SOX13: variants seen among roughly 807,000 people sequenced by gnomAD.
The protein encoded by SOX13 is SRY-box transcription factor 13.
A neutral mutation model predicts 71.8 loss-of-function variants in SOX13; 28 were observed. The observed-to-expected ratio is 0.39, with a 90% confidence interval of 0.29 to 0.53. The LOEUF (loss-of-function observed/expected upper bound fraction) is 0.53, where lower values mean the gene tolerates loss of function less well. Ranked by LOEUF, SOX13 falls within the 20% of genes least tolerant of loss-of-function variation. The probability of loss-of-function intolerance (pLI) is 0.70; values close to 1 mark genes in which losing one functional copy is unlikely to be tolerated. For synonymous variants in SOX13, 309 were observed against 317.8 expected, an observed-to-expected ratio of 0.97 and a Z score of 0.29; for missense variants, 627 against 810.3, an observed-to-expected ratio of 0.77 and a Z score of 2.75.
intron 1 of SOX13, among the ~76,000 whole-genome samples, chr1:204,111,492 C>T (rs369549607): frequency 2.0e-5 from 3 of 152,138 alleles, no homozygotes; most frequent in South Asian, 2.1e-4. Context: ...TGAGATGCTG[C>T]GATTGCTCAG....
chr1:204,112,250 G>A (rs745487836), intron 1 of SOX13, among the ~76,000 whole-genome samples: 5 of 152,172 alleles, frequency 3.3e-5, no homozygotes, highest in Non-Finnish European at 5.9e-5. Flanking sequence ...AGACCAGCTT[G>A]GCCAACATGG....
At chr1:204,090,494 C>T (rs1289989688) in intron 1 of SOX13, among the ~76,000 whole-genome samples, 1 of 151,506 alleles carries the variant, frequency 6.6e-6, no homozygotes, top group East Asian at 1.9e-4. Context: ...CTGCAACCTC[C>T]GCCTCCAGGG....
chr1:204,104,738 G>T (rs1477937932), intron 1 of SOX13, among the ~76,000 whole-genome samples: 1 of 152,202 alleles, frequency 6.6e-6, no homozygotes, highest in Non-Finnish European at 1.5e-5. Flanking sequence ...CCTCTCAGAG[G>T]GTCTGCCTGT....
chr1:204,079,574 C>T (rs532931277), intron 1 of SOX13, among the ~76,000 whole-genome samples: 18 of 152,072 alleles, frequency 1.2e-4, no homozygotes, highest in African/African-American at 2.4e-4. Context: ...CTCGAACCCC[C>T]GACCTCAGGT....
chr1:204,087,048 G>A (rs111373036), intron 1 of SOX13, among the ~76,000 whole-genome samples: 30,214 of 151,886 alleles, frequency 0.2, 3,069 homozygotes, highest in Middle Eastern at 0.26. Context: ...TCAGCCTCCC[G>A]AGTAAGCTGG....
chr1:204,106,110 G>A (rs1656465200), intron 1 of SOX13, among the ~76,000 whole-genome samples: 1 of 152,220 alleles, frequency 6.6e-6, no homozygotes, highest in African/African-American at 2.4e-5. Flanking sequence ...AAGTCTAAAG[G>A]GAGACTTAAG....
intron 6 of SOX13, 38 bp downstream of exon 6, chr1:204,117,228 G>A (rs762133259): frequency 6.3e-7 from 1 of 1,577,508 alleles, no homozygotes; most frequent in South Asian, 1.1e-5. Flanking sequence ...ACAGGAGGCA[G>A]TTGAGGGAGT....
At chr1:204,122,151 G>A in intron 8 of SOX13, 86 bp from the exon 9 acceptor site, 3 of 1,226,924 alleles carry the variant, frequency 2.4e-6, no homozygotes, top group East Asian at 5.1e-5. Flanking sequence ...GTGTGTTCTG[G>A]GTATGCTCAC....
chr1:204,101,823 C>G (rs1226322410), intron 1 of SOX13, among the ~76,000 whole-genome samples: 1 of 152,148 alleles, frequency 6.6e-6, no homozygotes, highest in Non-Finnish European at 1.5e-5. Flanking sequence ...ACCTCCTAAT[C>G]TAGATGACAA....
In SOX13 at chr1:204,127,655, T is replaced by C. The variant is rs942510937; in HGVS notation, c.*1521T>C. The C allele has an allele frequency of 3.9e-5, 6 of 152,666 alleles. No homozygotes were observed. Among genetic ancestry groups the C allele is most frequent in the African/African-American group, 1.2e-4 (5 of 41,470 alleles). 9.5% of individuals were successfully genotyped at this position (152,666 alleles called of 1,614,324 possible). A position where few individuals can be genotyped will look rare whatever the true frequency, so the allele number is the denominator to read the frequency against. ...TATTTTGTTAATAATAAGATAATGA[T>C]GAGTAACTTAACCAGCACATTTCTC... On this transcript the variant is annotated 3_prime_UTR_variant, in exon 14 of 14. Transcript: ENST00000367204.
At position 204,102,727 on chromosome 1, in the gene SOX13, T is replaced by C. The variant is rs529677882; in HGVS notation, c.-1-10188T>C. Reference sequence around the variant, plus strand: ...GTGGCGGTGGGTCAGGGAGCAAACATTTTTTTGATTTTCACAAACACCATC... The same window carrying C: ...GTGGCGGTGGGTCAGGGAGCAAACACTTTTTTGATTTTCACAAACACCATC... On this transcript the variant is annotated intron_variant, in intron 1 of 13. Coordinates refer to ENST00000367204, the MANE Select transcript of SOX13 (RefSeq NM_005686.3). Among the ~76,000 whole-genome samples, 5 of 151,626 alleles carry C rather than the reference T, an allele frequency of 3.3e-5. No individual in the cohort carries two copies. The South Asian group carries it at 1.0e-3, about 32-fold the overall frequency.
Position 204,102,467 on chromosome 1 carries a change from C to T in SOX13, c.-1-10448C>T, listed in dbSNP as rs116984744. Among the ~76,000 whole-genome samples the T allele has an allele frequency of 5.5e-3, 835 of 152,212 alleles. 6 individuals are homozygous for T. The highest frequency in any genetic ancestry group is 0.03 in the East Asian group (154 of 5,154). The stretch of plus-strand genomic sequence containing the variant: ...CGTGGCTTGGCCAGATAAGCGGTGG[C>T]GCTGCGAATGTGGGGCTTCCTTGGC... On this transcript the variant is annotated intron_variant, in intron 1 of 13. Coordinates refer to ENST00000367204, the MANE Select transcript of SOX13 (RefSeq NM_005686.3).
intron 1 of SOX13, among the ~76,000 whole-genome samples, chr1:204,079,007 A>G (rs1189028591): frequency 6.6e-6 from 1 of 152,130 alleles, no homozygotes; most frequent in Non-Finnish European, 1.5e-5. Context: ...CCCCTAGGAA[A>G]AGATTTCTGG....
chr1:204,114,674 C>G (rs530779682), intron 4 of SOX13, 69 bp downstream of exon 4: 4 of 1,242,704 alleles, frequency 3.2e-6, no homozygotes, highest in East Asian at 2.3e-5. Context: ...GGCCACGCAG[C>G]CTGGCTCTGT....
chr1:204,123,578 G>A lies in SOX13; in HGVS notation c.1232-83G>A. ...CTCCTCAGTGCCTCCTGCTGGTCAA[G>A]TAGGGGACGTCTCTCTGCTGGCCCT... On this transcript the variant is annotated intron_variant, in intron 11 of 13. Transcript: ENST00000367204. The surrounding 1 kb of genome is among the most constrained non-coding windows in gnomAD (Gnocchi z 5.0). 2 of 1,474,038 alleles carry A rather than the reference G, an allele frequency of 1.4e-6. No individual in the cohort carries two copies. The highest frequency in any genetic ancestry group is 1.8e-6 in the Non-Finnish European group (2 of 1,087,704). 91.3% of individuals were successfully genotyped at this position (1,474,038 alleles called of 1,614,324 possible).
intron 1 of SOX13, among the ~76,000 whole-genome samples, chr1:204,083,304 T>C (rs1655946190): frequency 6.6e-6 from 1 of 152,148 alleles, no homozygotes; most frequent in Non-Finnish European, 1.5e-5. Context: ...GAGTCAGGAC[T>C]GATGGGGTTT....
intron 1 of SOX13, among the ~76,000 whole-genome samples, chr1:204,092,267 C>T (rs1406483335): frequency 1.3e-5 from 2 of 152,050 alleles, no homozygotes; most frequent in Non-Finnish European, 2.9e-5. Context: ...CCTTGGTCTC[C>T]TGAAGCACGC....
chr1:204,109,418 T>A (rs544105243), intron 1 of SOX13, among the ~76,000 whole-genome samples: 2 of 152,368 alleles, frequency 1.3e-5, no homozygotes, highest in East Asian at 3.9e-4. Context: ...GTAGCTTTTC[T>A]ATATTTGGAT....
intron 1 of SOX13, among the ~76,000 whole-genome samples, chr1:204,098,048 A>G (rs1054513396): frequency 1.3e-5 from 2 of 151,932 alleles, no homozygotes; most frequent in African/African-American, 4.8e-5. Flanking sequence ...TTTTGTGGAG[A>G]TGGGATTTCA....
Sources: allele counts gnomAD v4.1 joint callset (sites outside exome capture counted in the v4.1 genomes callset), GRCh38; gene constraint gnomAD v4.1.1; non-coding constraint Gnocchi (gnomAD v3.1); transcripts MANE v1.5; gene names NCBI Gene and HGNC (gene_info 2026-07-23, HGNC 2026-07-21).